The following P2RY8 variants were observed in gnomAD, a reference collection of about 807,000 sequenced individuals.
P2RY8 encodes S-geranylgeranyl-glutathione receptor P2RY8.
A neutral mutation model predicts 10.0 loss-of-function variants in P2RY8; 6 were observed. The observed-to-expected ratio is 0.60, with a 90% CI of 0.33 to 1.19. The LOEUF is 1.19. Among genes scored for constraint, P2RY8 ranks in the 50% most tolerant of loss-of-function variants. P2RY8 has a pLI of 0.04. For synonymous variants in P2RY8, 276 were observed against 252.5 expected, an observed-to-expected ratio of 1.09 and a Z score of -0.88; for missense variants, 456 against 542.0, an observed-to-expected ratio of 0.84 and a Z score of 1.58.
intron 1 of P2RY8, among the ~76,000 whole-genome samples, chrX:1,521,034 C>CTTTTTTTTTTTT (rs1163534557): frequency 3.3e-5 from 2 of 61,042 alleles, no homozygotes; most frequent in African/African-American, 9.4e-5. Context: ...TTTTTCTTTT[C>CTTTTTTTTTTTT]TTTTTTTTTT....
intron 1 of P2RY8, among the ~76,000 whole-genome samples, chrX:1,521,632 A>G (rs762800984): frequency 6.6e-5 from 10 of 152,286 alleles, no homozygotes; most frequent in Non-Finnish European, 1.5e-4. Flanking sequence ...CCCTGCCTGC[A>G]GGAATGTGGA....
intron 1 of P2RY8, among the ~76,000 whole-genome samples, chrX:1,532,522 G>T (rs1161333657): frequency 1.3e-5 from 2 of 149,426 alleles, no homozygotes; most frequent in African/African-American, 4.9e-5. Context: ...TGTATATGAT[G>T]TGTATATATA....
At chrX:1,518,132 A>G (rs1401442915) in intron 1 of P2RY8, among the ~76,000 whole-genome samples, 1 of 141,334 alleles carries the variant, frequency 7.1e-6, no homozygotes, top group Non-Finnish European at 1.5e-5. Context: ...AAAAATAAAT[A>G]AAAATAATCT....
chrX:1,512,461 C>G (rs758233717), intron 1 of P2RY8, among the ~76,000 whole-genome samples: 2 of 146,860 alleles, frequency 1.4e-5, no homozygotes, highest in East Asian at 2.0e-4. Context: ...GCAGGAGAAT[C>G]GCTTGAACCT....
At position 1,462,822 on chromosome X, in the gene P2RY8, A is replaced by C; in HGVS notation, c.*2657T>G. The stretch of plus-strand genomic sequence containing the variant: ...GAACAGAAGTAAAGTTTTCCATCTT[A>C]AAACATGTGTGTGAGTCAATAGACC... On this transcript the variant is annotated 3_prime_UTR_variant, in exon 2 of 2. Transcript: ENST00000381297. The C allele has an allele frequency of 4.3e-6, 1 of 233,020 alleles. No individual in the cohort carries two copies. The highest frequency in any genetic ancestry group is 6.0e-5 in the East Asian group (1 of 16,556). The allele number at this position is 233,020 out of a possible 1,614,324, so 14.4% of individuals were successfully genotyped here. A position where few individuals can be genotyped will look rare whatever the true frequency, so the allele number is the denominator to read the frequency against.
At position 1,466,454 on chromosome X, in the gene P2RY8, C is replaced by A. The variant is rs2091677903; in HGVS notation, c.105G>T (p.Ala35=). Residue 35 remains alanine, a synonymous_variant, in exon 2 of 2, where the codon GCG becomes GCT. Transcript: ENST00000381297. ...ALPVVYSLVA[A]VSIPGNLFSL... is the part of the protein sequence containing the mutation. ...AGAAGAGGTTGCCCGGGATGCTGACCGCCGCCACCAGCGAGTACACCACGG... is the reference window on the plus strand; with the variant it reads ...AGAAGAGGTTGCCCGGGATGCTGACAGCCGCCACCAGCGAGTACACCACGG... The A allele has an allele frequency of 6.2e-7, 1 of 1,612,384 alleles. No individual in the cohort carries two copies. Among genetic ancestry groups the A allele is most frequent in the African/African-American group, 1.3e-5 (1 of 74,988 alleles).
intron 1 of P2RY8, among the ~76,000 whole-genome samples, chrX:1,519,365 A>G (rs2092374496): frequency 6.9e-6 from 1 of 143,968 alleles, no homozygotes; most frequent in Non-Finnish European, 1.5e-5. Context: ...TGATTCCAAT[A>G]TTCTCTCTGG....
At chrX:1,473,742 GGATGATGAAT>G (rs2091832738) in intron 1 of P2RY8, among the ~76,000 whole-genome samples, 1 of 143,222 alleles carries the variant, frequency 7.0e-6, no homozygotes, top group Non-Finnish European at 1.6e-5. Flanking sequence ...GTGGGTGGAT[GGATGATGAAT>G]GGATGGGGAT....
intron 1 of P2RY8, among the ~76,000 whole-genome samples, chrX:1,519,913 T>A (rs1228859582): frequency 1.3e-5 from 2 of 151,826 alleles, no homozygotes; most frequent in Non-Finnish European, 2.9e-5. Flanking sequence ...TGGTTCCCAA[T>A]AGTCTCTCTG....
At position 1,466,186 on chromosome X, in the gene P2RY8, C is replaced by T. The variant is rs28578016; in HGVS notation, c.373G>A (p.Val125Ile). ...TCISVERFLGVLYPLSSKRWR... is the reference protein window; with the variant it reads ...TCISVERFLGILYPLSSKRWR... Reference sequence around the variant, plus strand: ...CGCTTGGAGCTGAGCGGGTACAGGACCCCCAGGAAGCGCTCCACGCTGATA... The same window carrying T: ...CGCTTGGAGCTGAGCGGGTACAGGATCCCCAGGAAGCGCTCCACGCTGATA... Residue 125 changes from valine (V) to isoleucine (I), a missense_variant, in exon 2 of 2, where the codon GTC becomes ATC. Val to Ile is a conservative substitution (Grantham distance 29). Transcript: ENST00000381297. The T allele has an allele frequency of 0.18, 285,396 of 1,611,710 alleles. 26,870 individuals are homozygous for T. The highest frequency in any genetic ancestry group is 0.23 in the African/African-American group (17,079 of 74,952).
At chrX:1,473,713 T>A (rs55710683) in intron 1 of P2RY8, among the ~76,000 whole-genome samples, 73,037 of 140,572 alleles carry the variant, frequency 0.52, 18,788 homozygotes, top group South Asian at 0.63. Flanking sequence ...GGTGGATAGA[T>A]GGATGACTGG....
intron 1 of P2RY8, among the ~76,000 whole-genome samples, chrX:1,483,545 A>G (rs2091958244): frequency 6.6e-6 from 1 of 152,074 alleles, no homozygotes. Flanking sequence ...GAGGCAGGAG[A>G]ATTGCTTGAA....
chrX:1,514,564 T>C (rs868111755), intron 1 of P2RY8, among the ~76,000 whole-genome samples: 406 of 5,378 alleles, frequency 0.075, 42 homozygotes, highest in East Asian at 0.37. Flanking sequence ...TCCCTTCCCT[T>C]CCCTCCCTTC....
intron 1 of P2RY8, among the ~76,000 whole-genome samples, chrX:1,503,348 C>T (rs751902452): frequency 6.6e-6 from 1 of 152,304 alleles, no homozygotes; most frequent in South Asian, 2.1e-4. Flanking sequence ...TTGTGTCAGC[C>T]TCAGGGGACT....
chrX:1,482,949 G>C (rs1337100728), intron 1 of P2RY8, among the ~76,000 whole-genome samples: 2 of 151,888 alleles, frequency 1.3e-5, no homozygotes, highest in Non-Finnish European at 2.9e-5. Context: ...GTTGTGGGGT[G>C]GGGGGACGGG....
chrX:1,467,554 G>A (rs2091705291), intron 1 of P2RY8, among the ~76,000 whole-genome samples: 1 of 152,230 alleles, frequency 6.6e-6, no homozygotes, highest in African/African-American at 2.4e-5. Flanking sequence ...GGGGACGTCT[G>A]GAAGGAGAGA....
rs868442885 is a variant in P2RY8 at position 1,467,705 on chromosome X, C to T, written c.-24-1123G>A. ...TTTGTTTGTTTTATAGATATGGGGT[C>T]TTGCCTTGTTGCCCAGGCTGGAGGG... On this transcript the variant is annotated intron_variant, in intron 1 of 1. Transcript: ENST00000381297. Among the ~76,000 whole-genome samples the T allele has an allele frequency of 1.1e-3, 175 of 152,356 alleles. 1 individual carries two copies. The highest frequency in any genetic ancestry group is 8.5e-4 in the Non-Finnish European group (58 of 68,038).
chrX:1,532,323 CGTATATAT>C, intron 1 of P2RY8, among the ~76,000 whole-genome samples: 1 of 145,420 alleles, frequency 6.9e-6, no homozygotes, highest in East Asian at 2.0e-4. Context: ...TATACACACA[CGTATATAT>C]ACACATATAT....
rs1327420132 is a variant in P2RY8 at position 1,500,008 on chromosome X, A to G, written c.-24-33426T>C. Among the ~76,000 whole-genome samples the G allele has an allele frequency of 2.8e-4, 20 of 72,048 alleles. 1 individual carries two copies. The highest frequency in any genetic ancestry group is 5.6e-4 in the African/African-American group (19 of 33,736). The allele number at this position is 72,048 out of a possible 152,430, so 47.3% of individuals were successfully genotyped here. On this transcript the variant is annotated intron_variant, in intron 1 of 1. Transcript: ENST00000381297. ...CGAGTAGCTGGGACTACAGGCGTGT[A>G]CCACCATGCCCAGCTAATTTTTTGT...
Sources: allele counts gnomAD v4.1 joint callset (sites outside exome capture counted in the v4.1 genomes callset), GRCh38; gene constraint gnomAD v4.1.1; transcripts MANE v1.5; gene names NCBI Gene and HGNC (gene_info 2026-07-23, HGNC 2026-07-21).